Variants in KHDRBS2 observed in about 807,000 individuals in gnomAD.
The protein encoded by KHDRBS2 is KH RNA binding domain containing, signal transduction associated 2.
A neutral mutation model predicts 44.3 loss-of-function variants in KHDRBS2; 26 were observed. The observed-to-expected ratio is 0.59, with a 90% confidence interval of 0.43 to 0.81. The LOEUF is 0.81. KHDRBS2 is among the 40% of genes least tolerant of loss of function. KHDRBS2 has a pLI of 0.00. For missense variants in KHDRBS2, 476 were observed against 433.1 expected, an observed-to-expected ratio of 1.10 and a Z score of -0.88; for synonymous variants, 194 against 151.1, an observed-to-expected ratio of 1.28 and a Z score of -2.08.
In KHDRBS2 at chr6:61,844,515, G is replaced by C. The variant is rs527519478; in HGVS notation, c.810+50120C>G. Among the ~76,000 whole-genome samples, 5 of 152,038 alleles carry C rather than the reference G, an allele frequency of 3.3e-5. No homozygotes were observed. The South Asian group carries it at 1.0e-3, about 32-fold the overall frequency. On this transcript the variant is annotated intron_variant, in intron 6 of 8. Transcript: ENST00000281156. Reference sequence around the variant, plus strand: ...GATCCTTGTGATAACCTACTGCCTGGAATGACCTCACTTCTAGTACCTTTG... The same window carrying C: ...GATCCTTGTGATAACCTACTGCCTGCAATGACCTCACTTCTAGTACCTTTG...
At chr6:61,589,208 T>C in the KHDRBS2 span, among the ~76,000 whole-genome samples, 2 of 152,144 alleles carry the variant, frequency 1.3e-5, no homozygotes, top group Non-Finnish European at 2.9e-5. Flanking sequence ...AATCTGCATG[T>C]TCAGCACATA....
In KHDRBS2 at chr6:62,093,856, TTGTGTGTG is replaced by T. The variant is rs61194705; in HGVS notation, c.220-45870_220-45863del. 8.8e-3 allele frequency among the ~76,000 whole-genome samples: 1,255 copies of T among 143,266 alleles called. 11 individuals carry two copies. The highest frequency in any genetic ancestry group is 0.028 in the African/African-American group (1,072 of 38,840). 94.0% of individuals were successfully genotyped at this position (143,266 alleles called of 152,430 possible). Reference sequence around the variant, plus strand: ...TTATGGTGAATAGTATTCCATTGTTTTGTGTGTGTGTGTGTGTGTGTGTGTGTGTGTGT... The same window carrying T: ...TTATGGTGAATAGTATTCCATTGTTTTGTGTGTGTGTGTGTGTGTGTGTGT... On this transcript the variant is annotated intron_variant, in intron 2 of 8. Coordinates refer to ENST00000281156, the MANE Select transcript of KHDRBS2 (RefSeq NM_152688.4).
the KHDRBS2 span, among the ~76,000 whole-genome samples, chr6:61,578,374 A>G: frequency 1.3e-5 from 2 of 152,154 alleles, no homozygotes. Context: ...TTTTAGCAAC[A>G]ATTATGTGTC....
chr6:62,196,924 G>T (rs1298059642), intron 1 of KHDRBS2, among the ~76,000 whole-genome samples: 3 of 152,158 alleles, frequency 2.0e-5, no homozygotes, highest in African/African-American at 7.2e-5. Flanking sequence ...ATAAAGCATA[G>T]ATGTCTTCTC....
At chr6:61,989,016 A>C (rs967119600) in intron 3 of KHDRBS2, among the ~76,000 whole-genome samples, 2 of 152,240 alleles carry the variant, frequency 1.3e-5, no homozygotes, top group African/African-American at 4.8e-5. Context: ...TATGGTGTTA[A>C]AAGACATGAT....
chr6:62,253,042 T>C (rs747747582), intron 1 of KHDRBS2, among the ~76,000 whole-genome samples: 3 of 152,010 alleles, frequency 2.0e-5, no homozygotes, highest in Non-Finnish European at 4.4e-5. Flanking sequence ...TTTTCTCTTG[T>C]TCCATGGATC....
At chr6:61,573,899 C>CTA in the KHDRBS2 span, among the ~76,000 whole-genome samples, 1 of 151,806 alleles carries the variant, frequency 6.6e-6, no homozygotes, top group African/African-American at 2.4e-5. Flanking sequence ...ACTATACTAA[C>CTA]TAGTTTACAA....
chr6:61,946,291 T>C (rs529381366), intron 4 of KHDRBS2, among the ~76,000 whole-genome samples: 6 of 152,310 alleles, frequency 3.9e-5, no homozygotes, highest in African/African-American at 9.6e-5. Flanking sequence ...AATGAAAGAA[T>C]AGCATGTATT....
chr6:61,625,264 G>C, the KHDRBS2 span, among the ~76,000 whole-genome samples: 58 of 151,124 alleles, frequency 3.8e-4, no homozygotes, highest in African/African-American at 1.4e-3. Context: ...TACAGAGATG[G>C]GGTTGTAATT....
intron 3 of KHDRBS2, among the ~76,000 whole-genome samples, chr6:62,002,273 A>C (rs999681743): frequency 3.9e-5 from 6 of 152,048 alleles, no homozygotes; most frequent in African/African-American, 1.4e-4. Context: ...GAATGAAGTA[A>C]GATGATAATA....
chr6:62,031,841 A>G (rs1299632498), intron 3 of KHDRBS2, among the ~76,000 whole-genome samples: 1 of 152,048 alleles, frequency 6.6e-6, no homozygotes, highest in Non-Finnish European at 1.5e-5. Context: ...AGACCTGGTG[A>G]GCTTTGCCAC....
At chr6:62,170,771 C>T (rs1166869798) in intron 2 of KHDRBS2, among the ~76,000 whole-genome samples, 1 of 152,004 alleles carries the variant, frequency 6.6e-6, no homozygotes, top group African/African-American at 2.4e-5. Flanking sequence ...GGTTCCTAAA[C>T]CTCAAGGGGC....
At chr6:61,863,358 C>G (rs1797310968) in intron 6 of KHDRBS2, among the ~76,000 whole-genome samples, 1 of 149,564 alleles carries the variant, frequency 6.7e-6, no homozygotes, top group African/African-American at 2.5e-5. Flanking sequence ...ACTTGGTTCT[C>G]TAGTTTTTTT....
chr6:62,085,510 A>G (rs1338506572), intron 2 of KHDRBS2, among the ~76,000 whole-genome samples: 1 of 152,170 alleles, frequency 6.6e-6, no homozygotes, highest in Non-Finnish European at 1.5e-5. Flanking sequence ...CATATTACAG[A>G]AAATCCAAGG....
At chr6:61,548,418 A>G in the KHDRBS2 span, among the ~76,000 whole-genome samples, 27 of 152,236 alleles carry the variant, frequency 1.8e-4, no homozygotes, top group African/African-American at 6.0e-4. Flanking sequence ...GTTAAAATGC[A>G]GATTTGATTA....
At chr6:62,211,524 G>A (rs146526026) in intron 1 of KHDRBS2, among the ~76,000 whole-genome samples, 1 of 152,178 alleles carries the variant, frequency 6.6e-6, no homozygotes, top group African/African-American at 2.4e-5. Context: ...CATTATACGA[G>A]GATTAATGGC....
At chr6:61,985,892 T>C (rs1314011825) in intron 3 of KHDRBS2, among the ~76,000 whole-genome samples, 29 of 152,242 alleles carry the variant, frequency 1.9e-4, no homozygotes, top group Admixed American at 1.8e-3. Context: ...AAATGACCGC[T>C]TTTATGTTAT....
chr6:62,237,897 G>A (rs567876025), intron 1 of KHDRBS2, among the ~76,000 whole-genome samples: 60 of 152,138 alleles, frequency 3.9e-4, no homozygotes, highest in African/African-American at 1.3e-3. Flanking sequence ...AAATTAGCTG[G>A]GCGTGGTGGT....
chr6:62,232,306 A>G (rs1487511273), intron 1 of KHDRBS2, among the ~76,000 whole-genome samples: 5 of 152,180 alleles, frequency 3.3e-5, no homozygotes, highest in Non-Finnish European at 5.9e-5. Context: ...GGTAAATAAT[A>G]GTCACTTAAT....
Sources: allele counts gnomAD v4.1 joint callset (sites outside exome capture counted in the v4.1 genomes callset), GRCh38; gene constraint gnomAD v4.1.1; transcripts MANE v1.5; gene names NCBI Gene and HGNC (gene_info 2026-07-23, HGNC 2026-07-21).